Variants in PACRG observed in about 807,000 individuals in gnomAD.
PACRG encodes the protein parkin coregulated gene protein.
In PACRG, 29 loss-of-function variants were observed where a neutral mutation model predicts 29.7. The observed-to-expected ratio is 0.98, with a 90% CI of 0.73 to 1.33. The LOEUF (loss-of-function observed/expected upper bound fraction) is 1.33. PACRG is among the 40% of genes most tolerant of loss of function. PACRG has a pLI of 0.00. For synonymous variants in PACRG, 116 were observed against 118.7 expected, an observed-to-expected ratio of 0.98 and a Z score of 0.15; for missense variants, 279 against 316.2, an observed-to-expected ratio of 0.88 and a Z score of 0.89.
intron 4 of PACRG, among the ~76,000 whole-genome samples, chr6:163,218,340 T>C (rs1034774874): frequency 1.3e-5 from 2 of 152,196 alleles, no homozygotes; most frequent in African/African-American, 4.8e-5. Context: ...AAGAAGTTAA[T>C]TTCTATAATT....
Position 162,773,494 on chromosome 6 carries a change from ATTTTTTTTTTTTTTTT to A in PACRG, c.157-40637_157-40622del, listed in dbSNP as rs71008110. ...ATATTTGGTATTTTTACAGCTTGTCATTTTTTTTTTTTTTTTTTTTTTTTTTTTTTTGAGACGGAGT... is the reference window on the plus strand; with the variant it reads ...ATATTTGGTATTTTTACAGCTTGTCATTTTTTTTTTTTTTTGAGACGGAGT... On this transcript the variant is annotated intron_variant, in intron 1 of 4. Transcript: ENST00000366888. Among the ~76,000 whole-genome samples, 8 of 66,020 alleles carry A rather than the reference ATTTTTTTTTTTTTTTT, an allele frequency of 1.2e-4. No homozygotes were observed. In the East Asian group the frequency reaches 2.5e-3, roughly 21 times the overall value. 43.3% of individuals were successfully genotyped at this position (66,020 alleles called of 152,430 possible). A position where few individuals can be genotyped will look rare whatever the true frequency, so the allele number is the denominator to read the frequency against.
chr6:163,220,349 TG>T (rs1781533495), intron 4 of PACRG, among the ~76,000 whole-genome samples: 2 of 152,140 alleles, frequency 1.3e-5, no homozygotes, highest in Non-Finnish European at 2.9e-5. Flanking sequence ...TCAGGCCTCT[TG>T]GCAGGGCATT....
chr6:163,108,299 G>A lies in PACRG; in HGVS notation c.613+18891G>A, dbSNP rs752189807. ...TGTAGAAAGTGTCTGCTTGCCCTTC[G>A]CCTTCTACCATTGTAAGTTTCCTGA... On this transcript the variant is annotated intron_variant, in intron 4 of 4. Transcript: ENST00000366888. Among the ~76,000 whole-genome samples the A allele has an allele frequency of 2.6e-5, 4 of 151,150 alleles. No homozygotes were observed. In the East Asian group the frequency reaches 5.9e-4, roughly 22 times the overall value.
In PACRG at chr6:163,286,934, CTG is replaced by C. The variant is rs560605614; in HGVS notation, c.614-27890_614-27889del. Reference sequence around the variant, plus strand: ...TATTTGTATATGGATATGTATGTGACTGTGGATGTGTGCTTGCATATGTGTAG... The same window carrying C: ...TATTTGTATATGGATATGTATGTGACTGGATGTGTGCTTGCATATGTGTAG... On this transcript the variant is annotated intron_variant, in intron 4 of 4. Coordinates refer to ENST00000366888, the MANE Select transcript of PACRG (RefSeq NM_001080379.2). Among the ~76,000 whole-genome samples, 712 of 152,040 alleles carry C rather than the reference CTG, an allele frequency of 4.7e-3. 3 individuals are homozygous for C. The highest frequency in any genetic ancestry group is 0.01 in the Middle Eastern group (3 of 294).
intron 4 of PACRG, among the ~76,000 whole-genome samples, chr6:163,117,389 G>A (rs1816055855): frequency 6.6e-6 from 1 of 152,210 alleles, no homozygotes; most frequent in South Asian, 2.1e-4. Context: ...CAGCACTAAG[G>A]AGGCTGGTGG....
chr6:163,314,876 T>C lies in PACRG; in HGVS notation c.663T>C (p.Ile221=). The stretch of plus-strand genomic sequence containing the variant: ...ACAGCCAGCAGAAGAGGGAGAACAT[T>C]GGGGACTTGATCCAGGAGACACTGG... ...IDYSQQKREN[I]GDLIQETLEA... is the part of the protein sequence containing the mutation. Residue 221 remains isoleucine, a synonymous_variant, in exon 5 of 5, where the codon ATT becomes ATC. Coordinates refer to ENST00000366888, the MANE Select transcript of PACRG (RefSeq NM_001080379.2). 4.3e-6 allele frequency: 7 copies of C among 1,614,096 alleles called. No individual in the cohort carries two copies. Among genetic ancestry groups the C allele is most frequent in the Non-Finnish European group, 5.9e-6 (7 of 1,180,014 alleles).
intron 1 of PACRG, among the ~76,000 whole-genome samples, chr6:162,782,108 G>A (rs115606806): frequency 0.011 from 1,662 of 151,926 alleles, 29 homozygotes; most frequent in African/African-American, 0.037. Flanking sequence ...AGACAACTGC[G>A]ATAGCTAATG....
intron 1 of PACRG, among the ~76,000 whole-genome samples, chr6:162,778,630 C>G (rs1460939370): frequency 6.6e-6 from 1 of 152,194 alleles, no homozygotes; most frequent in East Asian, 1.9e-4. Flanking sequence ...AATGTAGAGA[C>G]TCAGGGAAAT....
In PACRG at chr6:163,272,892, C is replaced by CTTTTTTTTTTTTTTTTTTT. The variant is rs200076248; in HGVS notation, c.614-41918_614-41917insTTTTTTTTTTTTTTTTTTT. ...AAACATTTGGTAATGATGCATCATT[C>CTTTTTTTTTTTTTTTTTTT]TTTTTTTTTTTTTTTTTGAGACGGA... On this transcript the variant is annotated intron_variant, in intron 4 of 4. Transcript: ENST00000366888. Among the ~76,000 whole-genome samples the CTTTTTTTTTTTTTTTTTTT allele has an allele frequency of 2.7e-5, 3 of 109,480 alleles. 1 individual carries two copies. Among genetic ancestry groups the CTTTTTTTTTTTTTTTTTTT allele is most frequent in the Non-Finnish European group, 5.4e-5 (3 of 55,802 alleles). 71.8% of individuals were successfully genotyped at this position (109,480 alleles called of 152,430 possible).
intron 4 of PACRG, among the ~76,000 whole-genome samples, chr6:163,230,821 A>T (rs574475001): frequency 4.3e-5 from 3 of 69,518 alleles, no homozygotes; most frequent in African/African-American, 1.9e-4. Flanking sequence ...AGCCTCCAAC[A>T]TTCAGAAAAG....
At chr6:163,101,214 C>A in intron 4 of PACRG, 1 of 981,902 alleles carries the variant, frequency 1.0e-6, no homozygotes, top group Non-Finnish European at 1.2e-6. Flanking sequence ...GTATCTTTGT[C>A]ACAAACTAAA....
At chr6:162,763,195 G>A (rs1782512897) in intron 1 of PACRG, among the ~76,000 whole-genome samples, 2 of 152,284 alleles carry the variant, frequency 1.3e-5, no homozygotes, top group African/African-American at 4.8e-5. Flanking sequence ...CTGTTAGAGA[G>A]AACATAAAAT....
At chr6:162,892,626 C>T (rs555448928) in intron 2 of PACRG, among the ~76,000 whole-genome samples, 32 of 152,264 alleles carry the variant, frequency 2.1e-4, no homozygotes, top group Non-Finnish European at 3.7e-4. Flanking sequence ...TTGCCATGGA[C>T]TGAGATAGGT....
intron 2 of PACRG, among the ~76,000 whole-genome samples, chr6:162,989,519 A>G (rs1803225734): frequency 6.6e-6 from 1 of 152,178 alleles, no homozygotes; most frequent in Admixed American, 6.5e-5. Context: ...CCATCTTGAG[A>G]TTACTTATAA....
intron 2 of PACRG, among the ~76,000 whole-genome samples, chr6:162,949,692 T>A (rs1360924468): frequency 1.3e-5 from 2 of 152,204 alleles, no homozygotes; most frequent in African/African-American, 4.8e-5. Context: ...TACATACTTT[T>A]GAGTGAAAAA....
At chr6:163,174,273 T>G (rs1240145534) in intron 4 of PACRG, among the ~76,000 whole-genome samples, 2 of 152,198 alleles carry the variant, frequency 1.3e-5, no homozygotes, top group African/African-American at 4.8e-5. Flanking sequence ...TATGAATTTG[T>G]TTTGGGCCAC....
At chr6:162,990,494 A>G (rs1332778722) in intron 2 of PACRG, among the ~76,000 whole-genome samples, 7 of 142,622 alleles carry the variant, frequency 4.9e-5, no homozygotes, top group African/African-American at 1.4e-4. Flanking sequence ...GCCAGTGATG[A>G]TGAGCATTTT....
At chr6:162,931,397 C>T (rs1797844422) in intron 2 of PACRG, among the ~76,000 whole-genome samples, 1 of 151,552 alleles carries the variant, frequency 6.6e-6, no homozygotes, top group Non-Finnish European at 1.5e-5. Context: ...AAAAATTTGC[C>T]TAACCCAAGG....
intron 1 of PACRG, among the ~76,000 whole-genome samples, chr6:162,793,143 C>T (rs1248779322): frequency 6.6e-6 from 1 of 152,096 alleles, no homozygotes; most frequent in Non-Finnish European, 1.5e-5. Flanking sequence ...TTTTACAGTC[C>T]ATTTTCAAAA....
Sources: allele counts gnomAD v4.1 joint callset (sites outside exome capture counted in the v4.1 genomes callset), GRCh38; gene constraint gnomAD v4.1.1; transcripts MANE v1.5; gene names NCBI Gene and HGNC (gene_info 2026-07-23, HGNC 2026-07-21).